The following TUSC3 variants were observed in gnomAD, a reference collection of about 807,000 sequenced individuals.
TUSC3 encodes the protein dolichyl-diphosphooligosaccharide--protein glycosyltransferase subunit TUSC3.
Under a neutral mutation model 44.8 loss-of-function variants are expected in TUSC3, and 45 were observed. That is an observed-to-expected ratio of 1.00 (90% CI 0.79 to 1.29). TUSC3 has a LOEUF of 1.29. Ranked by LOEUF, TUSC3 falls within the 50% of genes most tolerant of loss-of-function variation. TUSC3 has a pLI of 0.00. For synonymous variants in TUSC3, 212 were observed against 152.9 expected (o/e 1.39, Z -2.85); for missense variants, 519 against 437.9 (o/e 1.19, Z -1.65).
chr8:15,478,558 G>A (rs1800614389), intron 1 of TUSC3, among the ~76,000 whole-genome samples: 2 of 152,156 alleles, frequency 1.3e-5, no homozygotes, highest in African/African-American at 2.4e-5. Context: ...TTAGTTTGCT[G>A]AGGACAATGG....
chr8:15,851,172 G>T, the TUSC3 span, among the ~76,000 whole-genome samples: 2 of 152,148 alleles, frequency 1.3e-5, no homozygotes, highest in Non-Finnish European at 2.9e-5. Flanking sequence ...TTTCACTTTT[G>T]ACTTGTCTAG....
intron 1 of TUSC3, among the ~76,000 whole-genome samples, chr8:15,466,008 C>G (rs529986199): frequency 3.3e-5 from 5 of 152,152 alleles, no homozygotes; most frequent in Non-Finnish European, 7.4e-5. Context: ...TCAAATTCAA[C>G]ATTTTTGTCT....
At chr8:15,522,893 G>A (rs1277865039) in intron 2 of TUSC3, among the ~76,000 whole-genome samples, 4 of 152,170 alleles carry the variant, frequency 2.6e-5, no homozygotes, top group African/African-American at 9.7e-5. Flanking sequence ...AAGTGCAGAT[G>A]GTTTATTTGA....
At chr8:15,627,078 C>G (rs1011737777) in intron 2 of TUSC3, among the ~76,000 whole-genome samples, 1 of 152,156 alleles carries the variant, frequency 6.6e-6, no homozygotes, top group African/African-American at 2.4e-5. Flanking sequence ...TATATCTGGC[C>G]CATAAAAACC....
intron 2 of TUSC3, among the ~76,000 whole-genome samples, chr8:15,623,885 C>T (rs912321177): frequency 6.6e-6 from 1 of 152,086 alleles, no homozygotes; most frequent in African/African-American, 2.4e-5. Context: ...GTACTGGCAT[C>T]GATACAGACA....
At chr8:15,540,256 C>A, upstream of TUSC3, 1 of 883,682 alleles carries the variant, frequency 1.1e-6, no homozygotes, top group Non-Finnish European at 1.6e-6. Flanking sequence ...GAACCGGATG[C>A]TCTGTCAGTC....
At chr8:15,552,082 A>AT (rs1437800488) in intron 1 of TUSC3, among the ~76,000 whole-genome samples, 2 of 151,750 alleles carry the variant, frequency 1.3e-5, no homozygotes, top group Admixed American at 6.6e-5. Flanking sequence ...TATATGTTTG[A>AT]TTCCTGTTTG....
intron 6 of TUSC3, among the ~76,000 whole-genome samples, chr8:15,705,009 C>T (rs1216069020): frequency 6.6e-6 from 1 of 151,144 alleles, no homozygotes; most frequent in African/African-American, 2.4e-5. Context: ...AGGTTTTTCT[C>T]TGTGGCATCT....
At chr8:15,432,932 C>G (rs926254529) in intron 1 of TUSC3, among the ~76,000 whole-genome samples, 22 of 152,250 alleles carry the variant, frequency 1.4e-4, no homozygotes, top group African/African-American at 5.1e-4. Flanking sequence ...AAGGGCAGAC[C>G]TTGTTAAGAA....
intron 2 of TUSC3, among the ~76,000 whole-genome samples, chr8:15,498,421 T>C (rs1035540782): frequency 3.9e-5 from 6 of 152,292 alleles, no homozygotes; most frequent in African/African-American, 1.4e-4. Context: ...AATAAAATAG[T>C]ACTGTAGGAG....
chr8:15,640,961 T>A (rs1294422956), intron 2 of TUSC3, among the ~76,000 whole-genome samples: 1 of 152,188 alleles, frequency 6.6e-6, no homozygotes, highest in Non-Finnish European at 1.5e-5. Context: ...GACTAGGAAT[T>A]CATGAGGCAT....
the TUSC3 span, among the ~76,000 whole-genome samples, chr8:15,792,139 C>T: frequency 6.6e-6 from 1 of 152,010 alleles, no homozygotes; most frequent in Non-Finnish European, 1.5e-5. Flanking sequence ...CACACACACA[C>T]ACACACCCTC....
At chr8:15,524,054 C>G (rs1357577169) in intron 2 of TUSC3, among the ~76,000 whole-genome samples, 1 of 79,048 alleles carries the variant, frequency 1.3e-5, no homozygotes, top group African/African-American at 4.4e-5. Flanking sequence ...GTGACTCCGT[C>G]TCAAAAAAAA....
At chr8:15,536,733 G>T (rs1251603553), upstream of TUSC3, among the ~76,000 whole-genome samples, 33 of 131,966 alleles carry the variant, frequency 2.5e-4, no homozygotes, top group Non-Finnish European at 4.5e-4. Context: ...AAGAATGCAG[G>T]AAGGCAGGAT....
At chr8:15,766,954 A>C (rs1238668979), downstream of TUSC3, among the ~76,000 whole-genome samples, 2 of 152,146 alleles carry the variant, frequency 1.3e-5, no homozygotes, top group African/African-American at 4.8e-5. Context: ...ACTTGAATTG[A>C]CGCTTGAAGA....
the TUSC3 span, among the ~76,000 whole-genome samples, chr8:15,850,261 TA>T: frequency 6.6e-6 from 1 of 152,176 alleles, no homozygotes; most frequent in Non-Finnish European, 1.5e-5. Flanking sequence ...AGTATCCATA[TA>T]AAAGGTGTTA....
At chr8:15,587,013 C>T (rs1177268346) in intron 1 of TUSC3, among the ~76,000 whole-genome samples, 1 of 152,168 alleles carries the variant, frequency 6.6e-6, no homozygotes, top group Non-Finnish European at 1.5e-5. Flanking sequence ...AAAACCACTG[C>T]TTTTCTTAAT....
At chr8:15,679,093 A>G (rs1355807869) in intron 6 of TUSC3, among the ~76,000 whole-genome samples, 1 of 152,112 alleles carries the variant, frequency 6.6e-6, no homozygotes, top group African/African-American at 2.4e-5. Flanking sequence ...TTTTGGTAGA[A>G]CTGTTTATTT....
chr8:15,704,254 G>GGT (rs1388724164), intron 6 of TUSC3, among the ~76,000 whole-genome samples: 1 of 78,226 alleles, frequency 1.3e-5, no homozygotes, highest in African/African-American at 3.8e-5. Context: ...CATTCTTAAT[G>GGT]GTTTTTTTTT....
Sources: gnomAD v4.1 joint callset for allele counts (sites outside exome capture counted in the v4.1 genomes callset) on GRCh38, gnomAD v4.1.1 for gene constraint, MANE v1.5 for transcripts, NCBI Gene and HGNC (gene_info 2026-07-23, HGNC 2026-07-21) for gene names.